Variants in POLA1 observed in about 807,000 individuals in gnomAD.
POLA1 encodes DNA polymerase alpha 1, catalytic subunit.
Under a neutral mutation model 124.0 loss-of-function variants are expected in POLA1, and 15 were observed. That is an observed-to-expected ratio of 0.12 (90% CI 0.08 to 0.19). The LOEUF (loss-of-function observed/expected upper bound fraction) is 0.19, where lower values mean the gene tolerates loss of function less well. Among genes scored for constraint, POLA1 ranks in the 10% least tolerant of loss-of-function variants. The pLI, the probability that POLA1 is intolerant of heterozygous loss-of-function variation, is 1.00. For missense variants in POLA1, 886 were observed against 1,103.4 expected (o/e 0.80, Z 2.79); for synonymous variants, 408 against 389.4 (o/e 1.05, Z -0.56).
At chrX:24,771,321 A>T (rs898743913) in intron 26 of POLA1, among the ~76,000 whole-genome samples, 5 of 111,404 alleles carry the variant, frequency 4.5e-5, no homozygotes, top group Admixed American at 1.9e-4. Flanking sequence ...GAAACAAAAG[A>T]TCAGTCAGAA....
At chrX:24,962,681 G>A (rs1169167406) in intron 36 of POLA1, among the ~76,000 whole-genome samples, 2 of 111,433 alleles carry the variant, frequency 1.8e-5, no homozygotes, top group African/African-American at 3.3e-5. Flanking sequence ...TCAGGATTGC[G>A]GGACTCCAAT....
At chrX:24,881,291 A>G (rs2046998323) in intron 34 of POLA1, among the ~76,000 whole-genome samples, 1 of 111,992 alleles carries the variant, frequency 8.9e-6, no homozygotes, top group Non-Finnish European at 1.9e-5. Context: ...TGCATTTTTA[A>G]TAGTGCACTG....
intron 35 of POLA1, among the ~76,000 whole-genome samples, chrX:24,917,413 G>T (rs1439463689): frequency 8.9e-6 from 1 of 111,948 alleles, no homozygotes; most frequent in Non-Finnish European, 1.9e-5. Flanking sequence ...ACACATGCAT[G>T]TGTGTTAATA....
intron 26 of POLA1, among the ~76,000 whole-genome samples, chrX:24,754,506 G>A (rs1243430461): frequency 9.0e-6 from 1 of 111,062 alleles, no homozygotes; most frequent in African/African-American, 3.3e-5. Context: ...CGCCCACTTC[G>A]GCCTCCCAAA....
chrX:24,703,676 G>A (rs1928610161), intron 3 of POLA1, among the ~76,000 whole-genome samples: 2 of 111,980 alleles, frequency 1.8e-5, no homozygotes, highest in Non-Finnish European at 3.8e-5. Context: ...AAGGAATGCA[G>A]GTTCGGGATC....
chrX:24,741,108 T>C (rs2148391136), intron 20 of POLA1, among the ~76,000 whole-genome samples: 1 of 96,284 alleles, frequency 1.0e-5, no homozygotes, highest in South Asian at 5.0e-4. Context: ...TTTTTCCTTA[T>C]GGGATTTTGT....
chrX:24,851,693 TA>T (rs1458551980), intron 34 of POLA1, among the ~76,000 whole-genome samples: 2 of 113,109 alleles, frequency 1.8e-5, no homozygotes, highest in Non-Finnish European at 3.7e-5. Context: ...AGTTGTCAGA[TA>T]TCTGAAAACA....
At chrX:24,811,743 T>G (rs2045904845) in intron 28 of POLA1, among the ~76,000 whole-genome samples, 1 of 111,220 alleles carries the variant, frequency 9.0e-6, no homozygotes, top group African/African-American at 3.3e-5. Flanking sequence ...CTTACTACAT[T>G]GTGATTCATA....
intron 36 of POLA1, among the ~76,000 whole-genome samples, chrX:24,953,423 G>A (rs1303187952): frequency 8.9e-6 from 1 of 111,843 alleles, no homozygotes; most frequent in Non-Finnish European, 1.9e-5. Flanking sequence ...CCCCTACAGA[G>A]ACAATAAAAT....
chrX:24,771,993 C>G (rs962188032), intron 26 of POLA1, among the ~76,000 whole-genome samples: 1 of 111,656 alleles, frequency 9.0e-6, no homozygotes, highest in African/African-American at 3.3e-5. Context: ...ATCTGTTCAC[C>G]AGAATATTTT....
chrX:24,861,729 A>G, intron 34 of POLA1, among the ~76,000 whole-genome samples: 1 of 112,422 alleles, frequency 8.9e-6, no homozygotes, highest in Non-Finnish European at 1.9e-5. Context: ...TGTTGAATTT[A>G]TAAGTAAGAC....
At chrX:24,879,636 T>G (rs1601830188) in intron 34 of POLA1, among the ~76,000 whole-genome samples, 1 of 111,931 alleles carries the variant, frequency 8.9e-6, no homozygotes, top group South Asian at 3.8e-4. Flanking sequence ...AGCAAGGTAC[T>G]GTGTACTTAG....
intron 34 of POLA1, among the ~76,000 whole-genome samples, chrX:24,861,026 G>T (rs762146452): frequency 5.6e-4 from 63 of 112,550 alleles, no homozygotes; most frequent in Non-Finnish European, 3.0e-4. Flanking sequence ...GTTTTATCAT[G>T]TTAAACTGCC....
chrX:24,719,827 C>T (rs991894844), intron 10 of POLA1, among the ~76,000 whole-genome samples: 1 of 111,187 alleles, frequency 9.0e-6, no homozygotes, highest in Non-Finnish European at 1.9e-5. Flanking sequence ...TTTTCTCTGC[C>T]GAAAGTGGAC....
intron 26 of POLA1, among the ~76,000 whole-genome samples, chrX:24,780,699 A>G (rs1386778303): frequency 1.8e-5 from 2 of 111,744 alleles, no homozygotes; most frequent in African/African-American, 6.5e-5. Context: ...TTATTTTTGG[A>G]TTTTTATTTA....
At chrX:24,730,131 C>T (rs773764756) in intron 15 of POLA1, among the ~76,000 whole-genome samples, 1 of 111,289 alleles carries the variant, frequency 9.0e-6, no homozygotes, top group South Asian at 3.8e-4. Context: ...TGTAGATGGC[C>T]ATAGTTCATA....
intron 4 of POLA1, among the ~76,000 whole-genome samples, chrX:24,710,116 CCTTTT>C (rs1218804445): frequency 1.6e-5 from 1 of 63,450 alleles, no homozygotes; most frequent in Non-Finnish European, 3.2e-5. Context: ...CTCGCCGGCG[CCTTTT>C]TTTTTTTTTT....
intron 26 of POLA1, among the ~76,000 whole-genome samples, chrX:24,799,402 TG>T (rs2045667510): frequency 8.9e-6 from 1 of 112,449 alleles, no homozygotes; most frequent in Non-Finnish European, 1.9e-5. Flanking sequence ...CAAAGTTTTC[TG>T]GTCAGATTTT....
chrX:24,990,956 A>G (rs1395563830), intron 36 of POLA1, among the ~76,000 whole-genome samples: 4 of 112,045 alleles, frequency 3.6e-5, no homozygotes, highest in African/African-American at 9.7e-5. Flanking sequence ...TGATGATGAC[A>G]TGATTGCTTT....
Sources: allele counts gnomAD v4.1 joint callset (sites outside exome capture counted in the v4.1 genomes callset), GRCh38; gene constraint gnomAD v4.1.1; transcripts MANE v1.5; gene names NCBI Gene and HGNC (gene_info 2026-07-23, HGNC 2026-07-21).